LUZP2: variants seen among roughly 807,000 people sequenced by gnomAD.
LUZP2 encodes leucine zipper protein 2.
LUZP2 carries 52 observed loss-of-function variants against 51.6 expected under a neutral mutation model. The ratio of observed to expected loss-of-function variants is 1.01; its 90% CI spans 0.81 to 1.27. The LOEUF (loss-of-function observed/expected upper bound fraction) is 1.27. Among genes scored for constraint, LUZP2 ranks in the 50% most tolerant of loss-of-function variants. LUZP2 has a pLI of 0.00. For synonymous variants in LUZP2, 154 were observed against 137.3 expected, an observed-to-expected ratio of 1.12 and a Z score of -0.85; for missense variants, 436 against 395.4, an observed-to-expected ratio of 1.10 and a Z score of -0.87.
Position 24,732,112 on chromosome 11 carries a change from T to C in LUZP2, c.181-6T>C. 3 of 1,602,964 alleles carry C rather than the reference T, an allele frequency of 1.9e-6. No homozygotes were observed. The highest frequency in any genetic ancestry group is 2.6e-6 in the Non-Finnish European group (3 of 1,173,332). On this transcript the variant is annotated splice_region_variant and splice_polypyrimidine_tract_variant and intron_variant, in intron 2 of 11. Coordinates refer to ENST00000336930, the MANE Select transcript of LUZP2 (RefSeq NM_001009909.4). ...TAAAACTTCATTTTTCCACTTTTCT[T>C]ATCAGTCCTTAAAAAACGATGAGCA...
intron 1 of LUZP2, among the ~76,000 whole-genome samples, chr11:24,581,761 G>C (rs1042186524): frequency 6.6e-6 from 1 of 151,386 alleles, no homozygotes; most frequent in Non-Finnish European, 1.5e-5. Context: ...AGGATTTATT[G>C]TATACTTGAT....
chr11:24,833,181 A>G (rs1452933829), intron 5 of LUZP2, among the ~76,000 whole-genome samples: 1 of 152,220 alleles, frequency 6.6e-6, no homozygotes, highest in Non-Finnish European at 1.5e-5. Context: ...TCCTTAAAAT[A>G]GAAAAACAAT....
intron 2 of LUZP2, 70 bp downstream of exon 2, chr11:24,729,356 TGCA>T: frequency 6.5e-6 from 5 of 770,496 alleles, no homozygotes; most frequent in Non-Finnish European, 1.0e-5. Context: ...TGGATTGACA[TGCA>T]TTTTTAAATA....
At chr11:25,006,651 C>T (rs975886793) in intron 9 of LUZP2, among the ~76,000 whole-genome samples, 3 of 152,136 alleles carry the variant, frequency 2.0e-5, no homozygotes, top group Non-Finnish European at 4.4e-5. Context: ...GACAGAATAG[C>T]AAGCGAAAGG....
chr11:24,915,239 T>C (rs951897806), intron 7 of LUZP2, among the ~76,000 whole-genome samples: 5 of 152,146 alleles, frequency 3.3e-5, no homozygotes, highest in African/African-American at 1.2e-4. Context: ...AGCATGACAA[T>C]GTTATGATTT....
chr11:24,764,218 C>T (rs938603405), intron 5 of LUZP2, among the ~76,000 whole-genome samples: 6 of 152,204 alleles, frequency 3.9e-5, no homozygotes, highest in East Asian at 1.9e-4. Context: ...GGCGCGTACA[C>T]ACACAATCAG....
intron 9 of LUZP2, among the ~76,000 whole-genome samples, chr11:24,995,343 A>G (rs549381372): frequency 2.0e-5 from 3 of 152,326 alleles, no homozygotes; most frequent in African/African-American, 7.2e-5. Context: ...CAGTGAGCAC[A>G]GATTGCACCA....
At chr11:24,766,848 A>T (rs1164298881) in intron 5 of LUZP2, among the ~76,000 whole-genome samples, 1 of 152,020 alleles carries the variant, frequency 6.6e-6, no homozygotes, top group African/African-American at 2.4e-5. Flanking sequence ...TGCAACCTCC[A>T]CCTCTTGGGT....
chr11:24,802,396 G>A (rs1026321903), intron 5 of LUZP2, among the ~76,000 whole-genome samples: 14 of 151,710 alleles, frequency 9.2e-5, no homozygotes, highest in African/African-American at 2.2e-4. Context: ...ATGAGTTTTG[G>A]TGACTGTATA....
chr11:25,016,765 C>CT (rs993341802), intron 9 of LUZP2, among the ~76,000 whole-genome samples: 7 of 151,850 alleles, frequency 4.6e-5, no homozygotes, highest in South Asian at 2.1e-4. Flanking sequence ...CATATGATGA[C>CT]TTTTTTTTCC....
chr11:24,794,169 T>C (rs1275270849), intron 5 of LUZP2, among the ~76,000 whole-genome samples: 1 of 152,088 alleles, frequency 6.6e-6, no homozygotes, highest in East Asian at 1.9e-4. Context: ...CTTATCTAAC[T>C]TATACAGATT....
At chr11:24,516,070 A>G (rs1850452980) in intron 1 of LUZP2, among the ~76,000 whole-genome samples, 1 of 152,034 alleles carries the variant, frequency 6.6e-6, no homozygotes, top group South Asian at 2.1e-4. Context: ...TAGTTATGTG[A>G]TTTTGGATGG....
intron 9 of LUZP2, among the ~76,000 whole-genome samples, chr11:24,992,192 C>A (rs544650015): frequency 6.6e-6 from 1 of 152,148 alleles, no homozygotes; most frequent in African/African-American, 2.4e-5. Context: ...GGCAAGTTTC[C>A]ATTGCATCAC....
In LUZP2 at chr11:24,649,590, G is replaced by A. The variant is rs527387876; in HGVS notation, c.63-79579G>A. ...TGAAGTCTGAGCTTTTCTGGTGTTC[G>A]AAGAGTCACTAATATATTTTTGCTT... On this transcript the variant is annotated intron_variant, in intron 1 of 11. Transcript: ENST00000336930. 2.0e-5 allele frequency among the ~76,000 whole-genome samples: 3 copies of A among 151,988 alleles called. No homozygotes were observed. The East Asian group carries it at 5.8e-4, about 29-fold the overall frequency.
chr11:24,878,636 T>G lies in LUZP2; in HGVS notation c.397-27355T>G, dbSNP rs550443940. Among the ~76,000 whole-genome samples the G allele has an allele frequency of 1.5e-3, 231 of 152,158 alleles. 1 individual carries two copies. The highest frequency in any genetic ancestry group is 5.0e-3 in the African/African-American group (208 of 41,558). ...TTATTATCCCTTTTAGTTTTTATTT[T>G]ATTTTATTTTTAATTTTTATTTTAG... On this transcript the variant is annotated intron_variant, in intron 5 of 11. Transcript: ENST00000336930.
intron 1 of LUZP2, among the ~76,000 whole-genome samples, chr11:24,711,681 C>T (rs576520574): frequency 2.6e-5 from 4 of 152,062 alleles, no homozygotes; most frequent in Non-Finnish European, 5.9e-5. Flanking sequence ...TATACACACA[C>T]CGTCACACAT....
intron 9 of LUZP2, among the ~76,000 whole-genome samples, chr11:25,020,794 CTT>C (rs1857310257): frequency 6.6e-6 from 1 of 151,494 alleles, no homozygotes; most frequent in South Asian, 2.1e-4. Context: ...AATTTAATAA[CTT>C]AAAATTATTC....
chr11:24,810,595 TC>T (rs1849990157), intron 5 of LUZP2, among the ~76,000 whole-genome samples: 2 of 152,274 alleles, frequency 1.3e-5, no homozygotes, highest in South Asian at 4.1e-4. Context: ...AAAGCTTACT[TC>T]CTCGTGGGTG....
In LUZP2 at chr11:24,750,439, G is replaced by A. The variant is rs182908159; in HGVS notation, c.333+12137G>A. ...ACAATTTTTAAAATCTGTTGTAGAA[G>A]CAAGGTTTTTTGACCATAGTATATC... On this transcript the variant is annotated intron_variant, in intron 4 of 11. Coordinates refer to ENST00000336930, the MANE Select transcript of LUZP2 (RefSeq NM_001009909.4). Among the ~76,000 whole-genome samples, 5 of 152,276 alleles carry A rather than the reference G, an allele frequency of 3.3e-5. No homozygotes were observed. In the East Asian group the frequency reaches 9.6e-4, roughly 29 times the overall value.
Sources: gnomAD v4.1 joint callset for allele counts (sites outside exome capture counted in the v4.1 genomes callset) on GRCh38, gnomAD v4.1.1 for gene constraint, MANE v1.5 for transcripts, NCBI Gene and HGNC (gene_info 2026-07-23, HGNC 2026-07-21) for gene names.